The following CEMIP variants were observed in gnomAD, a reference collection of about 807,000 sequenced individuals.
CEMIP encodes the protein cell migration-inducing and hyaluronan-binding protein.
In CEMIP, 105 loss-of-function variants were observed where a neutral mutation model predicts 156.9. The observed-to-expected ratio is 0.67, with a 90% confidence interval of 0.57 to 0.79. The LOEUF (loss-of-function observed/expected upper bound fraction) is 0.79. CEMIP is among the 30% of genes least tolerant of loss of function. The pLI, the probability that CEMIP is intolerant of heterozygous loss-of-function variation, is 0.00. For synonymous variants in CEMIP, 676 were observed against 668.4 expected (o/e 1.01, Z -0.17); for missense variants, 1,457 against 1,769.4 (o/e 0.82, Z 3.17).
chr15:80,875,021 A>ATTTTTTTTT (rs755707756), intron 3 of CEMIP, among the ~76,000 whole-genome samples: 1 of 64,916 alleles, frequency 1.5e-5, no homozygotes, highest in African/African-American at 6.3e-5. Flanking sequence ...AGCAAGTAGC[A>ATTTTTTTTT]TTTTTTTTTT....
chr15:80,861,815 G>A (rs893844255), intron 1 of CEMIP, among the ~76,000 whole-genome samples: 1 of 152,242 alleles, frequency 6.6e-6, no homozygotes, highest in Non-Finnish European at 1.5e-5. Flanking sequence ...TCAGTACAGT[G>A]CACACAACCA....
At chr15:80,844,809 C>T (rs573897681) in intron 1 of CEMIP, among the ~76,000 whole-genome samples, 1 of 152,166 alleles carries the variant, frequency 6.6e-6, no homozygotes, top group Non-Finnish European at 1.5e-5. Context: ...GGGCATGGAG[C>T]AGGAGCAGGA....
At chr15:80,810,596 C>A (rs1225390732) in intron 1 of CEMIP, among the ~76,000 whole-genome samples, 1 of 152,124 alleles carries the variant, frequency 6.6e-6, no homozygotes, top group East Asian at 1.9e-4. Context: ...ACCTTGTGAT[C>A]CGCCCTCCTC....
At chr15:80,918,164 C>T (rs1900342334) in intron 14 of CEMIP, among the ~76,000 whole-genome samples, 1 of 152,078 alleles carries the variant, frequency 6.6e-6, no homozygotes, top group African/African-American at 2.4e-5. Context: ...AGTCCCAGCT[C>T]CCCAGGGGGC....
chr15:80,894,369 CT>C (rs1899137806), intron 10 of CEMIP, among the ~76,000 whole-genome samples: 1 of 152,180 alleles, frequency 6.6e-6, no homozygotes, highest in African/African-American at 2.4e-5. Flanking sequence ...GTTTCCTTAT[CT>C]GTAAAACTAA....
chr15:80,891,923 A>G (rs1899044119), intron 10 of CEMIP, among the ~76,000 whole-genome samples: 1 of 152,250 alleles, frequency 6.6e-6, no homozygotes, highest in Non-Finnish European at 1.5e-5. Flanking sequence ...AAGAGGTGAG[A>G]GAAGCAGGAT....
At chr15:80,884,375 T>C in intron 7 of CEMIP, 21 bp downstream of exon 7, 1 of 1,613,304 alleles carries the variant, frequency 6.2e-7, no homozygotes, top group East Asian at 2.2e-5. Flanking sequence ...TCACTTCGGC[T>C]TCCACTGGGC....
Position 80,895,022 on chromosome 15 carries a change from C to T in CEMIP, c.1119C>T (p.Thr373=), listed in dbSNP as rs374599227. The T allele has an allele frequency of 1.2e-4, 188 of 1,614,110 alleles. No homozygotes were observed. The highest frequency in any genetic ancestry group is 2.3e-4 in the Admixed American group (14 of 60,016). Residue 373 remains threonine (T), a synonymous_variant, in exon 11 of 30, where the codon ACC becomes ACT. Transcript: ENST00000394685. ...ATTMDGVNLS[T]EVVYKKGQDY... ...CAATGGATGGAGTTAACCTCAGCACCGAGGTTGTCTACAAAAAAGGCCAGG... is the reference window on the plus strand; with the variant it reads ...CAATGGATGGAGTTAACCTCAGCACTGAGGTTGTCTACAAAAAAGGCCAGG...
chr15:80,922,432 G>T (rs1207192802), intron 17 of CEMIP, among the ~76,000 whole-genome samples: 1 of 152,226 alleles, frequency 6.6e-6, no homozygotes, highest in Non-Finnish European at 1.5e-5. Flanking sequence ...TCTCTTGGTG[G>T]CCCCTGAGCT....
At position 80,906,603 on chromosome 15, in the gene CEMIP, C is replaced by T. The variant is rs1261871325; in HGVS notation, c.1412-60C>T. The stretch of plus-strand genomic sequence containing the variant: ...AGCCATGGAGGCACCTGGCAGGGGC[C>T]CAGAACTCAGTGGGCATGCAGTACC... On this transcript the variant is annotated intron_variant, in intron 12 of 29. Coordinates refer to ENST00000394685, the MANE Select transcript of CEMIP (RefSeq NM_001293298.2). This position sits in a 1 kb window ranked among gnomAD's most constrained non-coding sequence, Gnocchi z 4.3. 1.3e-6 allele frequency: 2 copies of T among 1,552,942 alleles called. No homozygotes were observed. The highest frequency in any genetic ancestry group is 1.8e-6 in the Non-Finnish European group (2 of 1,139,968).
chr15:80,936,768 C>A lies in CEMIP; in HGVS notation c.3104C>A (p.Thr1035Asn). 5.0e-6 allele frequency: 8 copies of A among 1,613,762 alleles called. No homozygotes were observed. The highest frequency in any genetic ancestry group is 6.8e-6 in the Non-Finnish European group (8 of 1,179,624). ...CCTCTTTACCTGGAGGGGGCGCTCA[C>A]CAGGAGCACCCATTACCAGCAATAC... ...SHPLYLEGAL[T>N]RSTHYQQYQP... The change falls in exon 24 of 30, where the codon ACC becomes AAC. Residue 1035 changes from threonine (T) to asparagine (N), a missense_variant. Physicochemically the swap from Thr to Asn is moderately conservative, Grantham distance 65. Transcript: ENST00000394685.
At chr15:80,925,866 C>G in intron 19 of CEMIP, 111 bp downstream of exon 19, 5 of 1,438,412 alleles carry the variant, frequency 3.5e-6, no homozygotes, top group Non-Finnish European at 4.6e-6. Flanking sequence ...GACATACTGA[C>G]GTTTGGCCTT....
chr15:80,925,621 C>T lies in CEMIP; in HGVS notation c.2289-3C>T. 6.2e-7 allele frequency: 1 copy of T among 1,612,130 alleles called. No individual in the cohort carries two copies. Among genetic ancestry groups the T allele is most frequent in the Non-Finnish European group, 8.5e-7 (1 of 1,179,874 alleles). The stretch of plus-strand genomic sequence containing the variant: ...CTGTGCCCTCCCCATGGTTGTGCTG[C>T]AGATACAGCCCTCACCAGGACGCCG... On this transcript the variant is annotated splice_polypyrimidine_tract_variant and splice_region_variant and intron_variant, in intron 18 of 29. Coordinates refer to ENST00000394685, the MANE Select transcript of CEMIP (RefSeq NM_001293298.2).
At chr15:80,935,882 G>A (rs1024949392) in intron 23 of CEMIP, among the ~76,000 whole-genome samples, 25 of 152,298 alleles carry the variant, frequency 1.6e-4, no homozygotes, top group African/African-American at 5.8e-4. Context: ...GGGATTACAA[G>A]CATGTGCCAC....
intron 14 of CEMIP, among the ~76,000 whole-genome samples, chr15:80,913,944 C>T (rs1900163761): frequency 6.6e-6 from 1 of 152,234 alleles, no homozygotes; most frequent in South Asian, 2.1e-4. Flanking sequence ...GCTGGTGTTC[C>T]GTAACACAGT....
At chr15:80,917,541 G>T (rs572533374) in intron 14 of CEMIP, among the ~76,000 whole-genome samples, 150 of 152,330 alleles carry the variant, frequency 9.8e-4, no homozygotes, top group Non-Finnish European at 1.8e-3. Flanking sequence ...CTTAATAGGA[G>T]AAAGGAAAGC....
intron 14 of CEMIP, chr15:80,909,729 C>T: frequency 2.3e-6 from 1 of 430,666 alleles, no homozygotes; most frequent in South Asian, 1.6e-5. Context: ...TTCTGATGAA[C>T]CAAGTGTTCC....
intron 25 of CEMIP, chr15:80,938,181 C>A (rs1457881001): frequency 1.7e-6 from 1 of 573,112 alleles, no homozygotes; most frequent in Non-Finnish European, 3.1e-6. Flanking sequence ...AAAATAAACA[C>A]CCTATTAAAT....
chr15:80,854,104 G>T (rs1291571749), intron 1 of CEMIP, among the ~76,000 whole-genome samples: 2 of 152,266 alleles, frequency 1.3e-5, no homozygotes, highest in Non-Finnish European at 1.5e-5. Flanking sequence ...CAGTGAGCCA[G>T]CGAGGCCTGC....
Sources: allele counts gnomAD v4.1 joint callset (sites outside exome capture counted in the v4.1 genomes callset), GRCh38; gene constraint gnomAD v4.1.1; non-coding constraint Gnocchi (gnomAD v3.1); transcripts MANE v1.5; gene names NCBI Gene and HGNC (gene_info 2026-07-23, HGNC 2026-07-21).